The following TRAPPC9 variants were observed in gnomAD, a reference collection of about 807,000 sequenced individuals.
The protein encoded by TRAPPC9 is IKK2 binding protein.
TRAPPC9 carries 83 observed loss-of-function variants against 124.0 expected under a neutral mutation model. The ratio of observed to expected loss-of-function variants is 0.67; its 90% CI spans 0.56 to 0.80. The LOEUF (loss-of-function observed/expected upper bound fraction) is 0.80, where lower values mean the gene tolerates loss of function less well. Ranked by LOEUF, TRAPPC9 falls within the 30% of genes least tolerant of loss-of-function variation. TRAPPC9 has a pLI of 0.00. For missense variants in TRAPPC9, 1,302 were observed against 1,508.3 expected, an observed-to-expected ratio of 0.86 and a Z score of 2.27; for synonymous variants, 638 against 617.5, an observed-to-expected ratio of 1.03 and a Z score of -0.49.
intron 21 of TRAPPC9, among the ~76,000 whole-genome samples, chr8:139,780,118 G>C (rs944504254): frequency 1.3e-5 from 2 of 152,126 alleles, no homozygotes; most frequent in African/African-American, 4.8e-5. Context: ...TAGATTTAAT[G>C]CAATACCAAC....
chr8:139,897,165 T>G (rs147677426), intron 20 of TRAPPC9, among the ~76,000 whole-genome samples: 2 of 152,284 alleles, frequency 1.3e-5, no homozygotes, highest in African/African-American at 4.8e-5. Flanking sequence ...CACAAATTCC[T>G]CTCACAGCGT....
intron 20 of TRAPPC9, among the ~76,000 whole-genome samples, chr8:139,903,913 G>A (rs1831177336): frequency 6.6e-6 from 1 of 152,114 alleles, no homozygotes; most frequent in Non-Finnish European, 1.5e-5. Context: ...GTGGTGGCAG[G>A]TGCCTGTAGT....
Position 140,006,787 on chromosome 8 carries a change from T to C in TRAPPC9, c.2699+17150A>G, listed in dbSNP as rs183389600. The stretch of plus-strand genomic sequence containing the variant: ...TAAGCAAATCTAGAGAGACAGAAGG[T>C]AGATTAGTGGTAGATTAGTGGTTGC... On this transcript the variant is annotated intron_variant, in intron 18 of 22. Coordinates refer to ENST00000438773, the MANE Select transcript of TRAPPC9 (RefSeq NM_001160372.4). Among the ~76,000 whole-genome samples the C allele has an allele frequency of 3.1e-4, 47 of 152,058 alleles. No homozygotes were observed. The East Asian group carries it at 8.3e-3, about 27-fold the overall frequency.
chr8:139,898,256 C>T (rs537570247), intron 20 of TRAPPC9, among the ~76,000 whole-genome samples: 7 of 152,330 alleles, frequency 4.6e-5, no homozygotes, highest in African/African-American at 1.2e-4. Context: ...CTCACTTCCA[C>T]GGTAGCGCCA....
At chr8:139,831,299 G>A (rs1197215134) in intron 21 of TRAPPC9, among the ~76,000 whole-genome samples, 1 of 152,142 alleles carries the variant, frequency 6.6e-6, no homozygotes, top group Non-Finnish European at 1.5e-5. Flanking sequence ...ATCTGCTTGT[G>A]CCGAGACCTG....
chr8:139,913,515 G>A (rs1472171171), intron 19 of TRAPPC9, among the ~76,000 whole-genome samples: 1 of 152,232 alleles, frequency 6.6e-6, no homozygotes, highest in Non-Finnish European at 1.5e-5. Flanking sequence ...GACACCTAAA[G>A]AGAGACCATT....
intron 18 of TRAPPC9, among the ~76,000 whole-genome samples, chr8:140,016,209 C>T (rs1421397453): frequency 2.6e-5 from 4 of 152,200 alleles, no homozygotes; most frequent in African/African-American, 9.7e-5. Flanking sequence ...ACGAAATACA[C>T]AAATCTGAAG....
chr8:140,085,892 G>A (rs1182365591), intron 17 of TRAPPC9, among the ~76,000 whole-genome samples: 7 of 152,142 alleles, frequency 4.6e-5, no homozygotes, highest in African/African-American at 1.7e-4. Flanking sequence ...AGTGCTGGCA[G>A]AACTCTCCCC....
At chr8:140,189,951 C>T (rs1430458189) in intron 17 of TRAPPC9, among the ~76,000 whole-genome samples, 1 of 152,176 alleles carries the variant, frequency 6.6e-6, no homozygotes, top group East Asian at 1.9e-4. Flanking sequence ...GCACGGCCTC[C>T]ATAGCTCTCT....
At chr8:140,246,801 G>A (rs1415191986) in intron 16 of TRAPPC9, among the ~76,000 whole-genome samples, 5 of 152,164 alleles carry the variant, frequency 3.3e-5, no homozygotes, top group South Asian at 2.1e-4. Context: ...CCTGGCCAAC[G>A]TGGTGAAACC....
At chr8:140,170,093 T>C (rs1167971789) in intron 17 of TRAPPC9, among the ~76,000 whole-genome samples, 1 of 152,198 alleles carries the variant, frequency 6.6e-6, no homozygotes, top group African/African-American at 2.4e-5. Flanking sequence ...GCAATAAAAT[T>C]ATTATATAAA....
intron 17 of TRAPPC9, among the ~76,000 whole-genome samples, chr8:140,214,302 A>C (rs2063138258): frequency 6.6e-6 from 1 of 152,222 alleles, no homozygotes; most frequent in African/African-American, 2.4e-5. Flanking sequence ...AAGCCAGGCT[A>C]GGCAGCACTA....
At chr8:140,013,552 G>A (rs1587492504) in intron 18 of TRAPPC9, among the ~76,000 whole-genome samples, 3 of 152,338 alleles carry the variant, frequency 2.0e-5, no homozygotes, top group African/African-American at 7.2e-5. Context: ...CAGAGTGGCT[G>A]CCTTCAGAGA....
chr8:140,035,754 G>T (rs925608424), intron 17 of TRAPPC9, among the ~76,000 whole-genome samples: 1 of 152,172 alleles, frequency 6.6e-6, no homozygotes, highest in Admixed American at 6.5e-5. Context: ...AAAGGACAGG[G>T]CACTGTGACT....
chr8:140,375,983 G>C (rs76948835), intron 7 of TRAPPC9, among the ~76,000 whole-genome samples: 19 of 152,266 alleles, frequency 1.2e-4, no homozygotes, highest in Non-Finnish European at 1.8e-4. Context: ...ATTACATGGA[G>C]AGAAAATACA....
intron 19 of TRAPPC9, among the ~76,000 whole-genome samples, chr8:139,911,987 C>T (rs549001263): frequency 6.6e-5 from 10 of 152,168 alleles, no homozygotes; most frequent in South Asian, 2.1e-4. Flanking sequence ...GAGCTAGAGA[C>T]GCTCCCCGCA....
In TRAPPC9 at chr8:139,742,369, T is replaced by C. The variant is rs76660465; in HGVS notation, c.3056-10167A>G. On this transcript the variant is annotated intron_variant, in intron 21 of 22. Transcript: ENST00000438773. The surrounding 1 kb of genome is among the most constrained non-coding windows in gnomAD (Gnocchi z 4.7). ...GAATGGCCCTTCTGTGCAGTCCTCT[T>C]TGCTTGCAACGTCCATAAGCCATGA... 0.022 allele frequency among the ~76,000 whole-genome samples: 3,341 copies of C among 152,310 alleles called. 122 individuals are homozygous for C. The highest frequency in any genetic ancestry group is 0.074 in the African/African-American group (3,089 of 41,562).
At chr8:139,804,292 G>A (rs1450121051) in intron 21 of TRAPPC9, among the ~76,000 whole-genome samples, 16 of 54,536 alleles carry the variant, frequency 2.9e-4, no homozygotes, top group East Asian at 2.2e-3. Flanking sequence ...ACCCACCACC[G>A]CCACCACACA....
At chr8:139,771,204 G>C (rs913702594) in intron 21 of TRAPPC9, among the ~76,000 whole-genome samples, 2 of 152,116 alleles carry the variant, frequency 1.3e-5, no homozygotes, top group African/African-American at 4.8e-5. Flanking sequence ...GAAAACTCTA[G>C]GGCCCCAAAC....
Sources: gnomAD v4.1 joint callset for allele counts (sites outside exome capture counted in the v4.1 genomes callset) on GRCh38, gnomAD v4.1.1 for gene constraint, Gnocchi (gnomAD v3.1) non-coding constraint, MANE v1.5 for transcripts, NCBI Gene and HGNC (gene_info 2026-07-23, HGNC 2026-07-21) for gene names.